The following FHIT variants were observed in gnomAD, a reference collection of about 807,000 sequenced individuals.
FHIT encodes fragile histidine triad diadenosine triphosphatase, also known as bis(5'-adenosyl)-triphosphatase.
A neutral mutation model predicts 17.9 loss-of-function variants in FHIT; 19 were observed. The ratio of observed to expected loss-of-function variants is 1.06; its 90% CI spans 0.74 to 1.56. The LOEUF (loss-of-function observed/expected upper bound fraction) is 1.56. Ranked by LOEUF, FHIT falls within the 40% of genes most tolerant of loss-of-function variation. The pLI is 0.00. For missense variants in FHIT, 248 were observed against 189.2 expected, an observed-to-expected ratio of 1.31 and a Z score of -1.82; for synonymous variants, 81 against 69.7, an observed-to-expected ratio of 1.16 and a Z score of -0.81.
At chr3:59,824,987 A>C (rs1390702657) in intron 8 of FHIT, among the ~76,000 whole-genome samples, 2 of 152,198 alleles carry the variant, frequency 1.3e-5, no homozygotes, top group African/African-American at 2.4e-5. Context: ...TTCTGCAAAG[A>C]GGTTTTCAAA....
chr3:60,630,949 AAAAAAAACAC>A (rs1469432700), intron 4 of FHIT, among the ~76,000 whole-genome samples: 1 of 98,492 alleles, frequency 1.0e-5, no homozygotes, highest in African/African-American at 3.5e-5. Context: ...AAAAAAAAAA[AAAAAAAACAC>A]ACAGAAATAA....
chr3:60,286,395 C>T (rs148722823), intron 5 of FHIT, among the ~76,000 whole-genome samples: 4 of 152,220 alleles, frequency 2.6e-5, no homozygotes, highest in East Asian at 1.9e-4. Flanking sequence ...GTTATTCTTA[C>T]GTATCTTTTA....
intron 4 of FHIT, chr3:60,617,772 T>G (rs1286446994): frequency 6.5e-6 from 1 of 154,250 alleles, no homozygotes; most frequent in Non-Finnish European, 1.4e-5. Context: ...ATGTGATCTT[T>G]TGGCAGAGAA....
intron 3 of FHIT, among the ~76,000 whole-genome samples, chr3:60,830,236 G>T (rs145720278): frequency 1.3e-5 from 2 of 151,676 alleles, no homozygotes; most frequent in Admixed American, 6.6e-5. Context: ...TTGTTTCTGG[G>T]TCTATCCCAA....
chr3:60,202,647 C>T (rs2107497133), intron 5 of FHIT, among the ~76,000 whole-genome samples: 1 of 152,240 alleles, frequency 6.6e-6, no homozygotes, highest in South Asian at 2.1e-4. Flanking sequence ...GAGAACATAT[C>T]TTCACAAATA....
chr3:60,201,550 C>G (rs1473732042), intron 5 of FHIT, among the ~76,000 whole-genome samples: 1 of 152,170 alleles, frequency 6.6e-6, no homozygotes, highest in South Asian at 2.1e-4. Context: ...CCCAAAAAAC[C>G]CTTTCTCTCT....
At chr3:60,096,250 T>C (rs1212734130) in intron 5 of FHIT, among the ~76,000 whole-genome samples, 4 of 152,072 alleles carry the variant, frequency 2.6e-5, no homozygotes, top group African/African-American at 9.7e-5. Flanking sequence ...TATTGAGTGA[T>C]GAAAACAGCT....
chr3:60,676,439 G>T (rs990895089), intron 4 of FHIT, among the ~76,000 whole-genome samples: 1 of 152,152 alleles, frequency 6.6e-6, no homozygotes, highest in Non-Finnish European at 1.5e-5. Flanking sequence ...ACCACCACTA[G>T]GTTTATTCTT....
intron 7 of FHIT, among the ~76,000 whole-genome samples, chr3:59,942,571 T>A (rs1177753969): frequency 6.6e-6 from 1 of 152,174 alleles, no homozygotes; most frequent in Non-Finnish European, 1.5e-5. Flanking sequence ...TGGATATTCC[T>A]CCAGAATCAG....
intron 3 of FHIT, among the ~76,000 whole-genome samples, chr3:60,940,254 T>C (rs1397236277): frequency 1.3e-5 from 2 of 152,126 alleles, no homozygotes; most frequent in African/African-American, 4.8e-5. Flanking sequence ...TGAGAAAAAT[T>C]GCCCTGTAAA....
chr3:59,938,914 G>T (rs575360296), intron 7 of FHIT, among the ~76,000 whole-genome samples: 1 of 152,098 alleles, frequency 6.6e-6, no homozygotes, highest in South Asian at 2.1e-4. Context: ...ATCATATCTC[G>T]GTTTGGGTCT....
intron 2 of FHIT, among the ~76,000 whole-genome samples, chr3:61,172,088 T>G (rs1393596487): frequency 6.6e-6 from 1 of 152,090 alleles, no homozygotes; most frequent in Non-Finnish European, 1.5e-5. Context: ...AAAATCAAAG[T>G]CATGGGGAAA....
intron 8 of FHIT, among the ~76,000 whole-genome samples, chr3:59,883,415 T>C (rs761319880): frequency 2.6e-5 from 4 of 152,200 alleles, no homozygotes; most frequent in African/African-American, 7.2e-5. Context: ...GTGAAAGGCA[T>C]GTTTTATGTG....
At chr3:60,927,732 C>T (rs1462469560) in intron 3 of FHIT, among the ~76,000 whole-genome samples, 1 of 147,432 alleles carries the variant, frequency 6.8e-6, no homozygotes, top group Non-Finnish European at 1.5e-5. Context: ...GTGAGGTGGG[C>T]GTGCCCCCAC....
At chr3:60,653,987 C>T (rs991549326) in intron 4 of FHIT, among the ~76,000 whole-genome samples, 3 of 152,130 alleles carry the variant, frequency 2.0e-5, no homozygotes, top group Middle Eastern at 3.2e-3. Context: ...ATGGCTTGGG[C>T]TATTTCCTTG....
At chr3:61,218,723 A>G (rs1217947905) in intron 1 of FHIT, among the ~76,000 whole-genome samples, 1 of 152,168 alleles carries the variant, frequency 6.6e-6, no homozygotes, top group African/African-American at 2.4e-5. Context: ...CCGTAATCAT[A>G]TAGTGTCTTA....
At chr3:60,406,171 A>C (rs1036610260) in intron 5 of FHIT, among the ~76,000 whole-genome samples, 8 of 152,266 alleles carry the variant, frequency 5.3e-5, no homozygotes, top group African/African-American at 1.7e-4. Flanking sequence ...TTGGTAAAAG[A>C]ATAAATGTTG....
intron 5 of FHIT, among the ~76,000 whole-genome samples, chr3:60,275,431 C>G (rs1047507558): frequency 2.6e-5 from 4 of 152,172 alleles, no homozygotes; most frequent in Non-Finnish European, 5.9e-5. Context: ...CATAAATGTG[C>G]TCTCCTAATT....
intron 4 of FHIT, chr3:60,617,011 A>C (rs2107743682): frequency 5.5e-6 from 1 of 181,532 alleles, no homozygotes; most frequent in East Asian, 1.4e-4. Context: ...TTGGAGAATG[A>C]GGAACCACTG....
Sources: allele counts gnomAD v4.1 joint callset (sites outside exome capture counted in the v4.1 genomes callset), GRCh38; gene constraint gnomAD v4.1.1; transcripts MANE v1.5; gene names NCBI Gene and HGNC (gene_info 2026-07-23, HGNC 2026-07-21).